CUX2: variants seen among roughly 807,000 people sequenced by gnomAD.
CUX2 encodes cut like homeobox 2.
A neutral mutation model predicts 144.8 loss-of-function variants in CUX2; 40 were observed. The ratio of observed to expected loss-of-function variants is 0.28; its 90% confidence interval spans 0.21 to 0.36. The LOEUF (loss-of-function observed/expected upper bound fraction) is 0.36. CUX2 is among the 10% of genes least tolerant of loss of function. The pLI, the probability that CUX2 is intolerant of heterozygous loss-of-function variation, is 1.00. For synonymous variants in CUX2, 827 were observed against 875.6 expected (o/e 0.94, Z 0.98); for missense variants, 1,615 against 1,994.0 (o/e 0.81, Z 3.62).
At chr12:111,084,654 C>T (rs1282841131) in intron 1 of CUX2, among the ~76,000 whole-genome samples, 1 of 152,180 alleles carries the variant, frequency 6.6e-6, no homozygotes, top group Non-Finnish European at 1.5e-5. Flanking sequence ...ATTTTAAATA[C>T]CTGTGAACGT....
intron 7 of CUX2, 59 bp from the exon 8 acceptor site, chr12:111,296,414 G>A: frequency 6.6e-7 from 1 of 1,507,224 alleles, no homozygotes; most frequent in East Asian, 2.4e-5. Flanking sequence ...ACCTCCCTGG[G>A]AGACCCAGCT....
chr12:111,191,597 A>G (rs932135714), intron 1 of CUX2, among the ~76,000 whole-genome samples: 1 of 152,154 alleles, frequency 6.6e-6, no homozygotes, highest in African/African-American at 2.4e-5. Context: ...AAGTGTCGGG[A>G]TTACAGGCGT....
intron 1 of CUX2, among the ~76,000 whole-genome samples, chr12:111,211,622 A>G (rs1300376644): frequency 6.6e-6 from 1 of 152,174 alleles, no homozygotes; most frequent in African/African-American, 2.4e-5. Flanking sequence ...GTGGTGGCTC[A>G]CGCCTGTAAT....
In CUX2 at chr12:111,298,524, T is replaced by C; in HGVS notation, c.705-17T>C. 6.4e-7 allele frequency: 1 copy of C among 1,569,246 alleles called. No homozygotes were observed. Among genetic ancestry groups the C allele is most frequent in the Non-Finnish European group, 8.6e-7 (1 of 1,156,820 alleles). On this transcript the variant is annotated splice_polypyrimidine_tract_variant and intron_variant, in intron 8 of 21. Transcript: ENST00000261726. Reference sequence around the variant, plus strand: ...CCGCCGGAAGCCCTTCCTCAGGGCCTCATCTTTGTGTCTCAGGGCAGATGA... The same window carrying C: ...CCGCCGGAAGCCCTTCCTCAGGGCCCCATCTTTGTGTCTCAGGGCAGATGA...
intron 1 of CUX2, among the ~76,000 whole-genome samples, chr12:111,110,427 A>G (rs1873869986): frequency 6.6e-6 from 1 of 152,190 alleles, no homozygotes; most frequent in Non-Finnish European, 1.5e-5. Context: ...CAAATGCCAT[A>G]TAATATCCCT....
chr12:111,140,704 C>T (rs1033110707), intron 1 of CUX2, among the ~76,000 whole-genome samples: 5 of 152,190 alleles, frequency 3.3e-5, no homozygotes, highest in African/African-American at 1.2e-4. Flanking sequence ...TGGGGGAATG[C>T]GCAGCCCTTG....
At chr12:111,248,458 G>T (rs925176091) in intron 3 of CUX2, among the ~76,000 whole-genome samples, 1 of 152,160 alleles carries the variant, frequency 6.6e-6, no homozygotes, top group Non-Finnish European at 1.5e-5. Flanking sequence ...TCGGCTGGCA[G>T]TTTGCCAGCC....
chr12:111,229,874 C>A (rs868772949), intron 3 of CUX2, among the ~76,000 whole-genome samples: 1 of 151,914 alleles, frequency 6.6e-6, no homozygotes, highest in Admixed American at 6.6e-5. Context: ...GTTAGCGAAG[C>A]GTGGTGGTGC....
chr12:111,224,248 C>T (rs1215733796), intron 3 of CUX2, among the ~76,000 whole-genome samples: 1 of 152,158 alleles, frequency 6.6e-6, no homozygotes, highest in East Asian at 1.9e-4. Context: ...CCAAGACAAT[C>T]GTCGGTGGGG....
chr12:111,223,187 A>C (rs945965491), intron 3 of CUX2, among the ~76,000 whole-genome samples: 1 of 152,134 alleles, frequency 6.6e-6, no homozygotes, highest in Non-Finnish European at 1.5e-5. Context: ...ATGGTGAGAC[A>C]CCATCCCTGC....
At chr12:111,116,792 T>C (rs1874331000) in intron 1 of CUX2, among the ~76,000 whole-genome samples, 1 of 152,220 alleles carries the variant, frequency 6.6e-6, no homozygotes, top group African/African-American at 2.4e-5. Context: ...AAAAAAAATC[T>C]AACTTTATCA....
chr12:111,140,112 C>T (rs750148263), intron 1 of CUX2, among the ~76,000 whole-genome samples: 1 of 152,214 alleles, frequency 6.6e-6, no homozygotes, highest in African/African-American at 2.4e-5. Context: ...TGGCTCCACT[C>T]CCTGTCCCTC....
intron 3 of CUX2, among the ~76,000 whole-genome samples, chr12:111,243,457 G>T (rs1343451177): frequency 6.8e-6 from 1 of 147,864 alleles, no homozygotes; most frequent in Admixed American, 6.7e-5. Context: ...TTTATATCAG[G>T]ACTCAAATAG....
chr12:111,217,434 G>A (rs1881604930), intron 2 of CUX2, among the ~76,000 whole-genome samples: 1 of 152,134 alleles, frequency 6.6e-6, no homozygotes, highest in African/African-American at 2.4e-5. Flanking sequence ...GCAGCCCCGG[G>A]CGACACCTTG....
intron 4 of CUX2, among the ~76,000 whole-genome samples, chr12:111,285,266 G>A (rs960206393): frequency 1.3e-5 from 2 of 152,192 alleles, no homozygotes; most frequent in Non-Finnish European, 2.9e-5. Flanking sequence ...GCAGAAGGTG[G>A]GGGAGAATGG....
At chr12:111,172,764 C>G (rs1193871669) in intron 1 of CUX2, among the ~76,000 whole-genome samples, 1 of 152,226 alleles carries the variant, frequency 6.6e-6, no homozygotes, top group Non-Finnish European at 1.5e-5. Flanking sequence ...CGTTTCTCGA[C>G]TTTTCAGTAA....
intron 4 of CUX2, among the ~76,000 whole-genome samples, chr12:111,276,049 T>C (rs1022103976): frequency 5.3e-5 from 8 of 152,150 alleles, no homozygotes; most frequent in African/African-American, 1.7e-4. Context: ...TTAAAATATA[T>C]ATATTTTTAA....
intron 3 of CUX2, among the ~76,000 whole-genome samples, chr12:111,229,621 G>T (rs1318657199): frequency 1.3e-5 from 2 of 152,126 alleles, no homozygotes; most frequent in Admixed American, 6.5e-5. Flanking sequence ...AATTTGCCTG[G>T]CTGGGTATGG....
At chr12:111,315,999 G>T (rs1887170948) in intron 16 of CUX2, among the ~76,000 whole-genome samples, 1 of 152,128 alleles carries the variant, frequency 6.6e-6, no homozygotes, top group Non-Finnish European at 1.5e-5. Context: ...ATTTCACGTG[G>T]TTGCTCCTAA....
Sources: gnomAD v4.1 joint callset for allele counts (sites outside exome capture counted in the v4.1 genomes callset) on GRCh38, gnomAD v4.1.1 for gene constraint, MANE v1.5 for transcripts, NCBI Gene and HGNC (gene_info 2026-07-23, HGNC 2026-07-21) for gene names.